The following ARSJ variants were observed in gnomAD, a reference collection of about 807,000 sequenced individuals.
ARSJ encodes the protein arylsulfatase J.
A neutral mutation model predicts 35.9 loss-of-function variants in ARSJ; 26 were observed. That is an observed-to-expected ratio of 0.72 (90% CI 0.53 to 1.00). The LOEUF is 1.00. Among genes scored for constraint, ARSJ ranks in the 50% least tolerant of loss-of-function variants. ARSJ has a pLI of 0.00. For synonymous variants in ARSJ, 294 were observed against 267.6 expected (o/e 1.10, Z -0.96); for missense variants, 667 against 723.6 (o/e 0.92, Z 0.90).
chr4:113,920,687 G>T (rs967723991), intron 1 of ARSJ, among the ~76,000 whole-genome samples: 1 of 152,154 alleles, frequency 6.6e-6, no homozygotes, highest in African/African-American at 2.4e-5. Flanking sequence ...TGACAGAAGT[G>T]TGGCACGTAG....
At chr4:113,950,779 G>A (rs573223396) in intron 1 of ARSJ, among the ~76,000 whole-genome samples, 11 of 152,076 alleles carry the variant, frequency 7.2e-5, no homozygotes, top group East Asian at 1.9e-4. Flanking sequence ...CATTAAGAGC[G>A]TATGCTTTCC....
At chr4:113,917,081 T>C (rs1723355537) in intron 1 of ARSJ, among the ~76,000 whole-genome samples, 1 of 152,154 alleles carries the variant, frequency 6.6e-6, no homozygotes, top group Non-Finnish European at 1.5e-5. Flanking sequence ...ATACAAATAC[T>C]GTATCTATTA....
intron 1 of ARSJ, among the ~76,000 whole-genome samples, chr4:113,914,899 CAAAACAGTTGAGTTTCCT>C (rs1723197668): frequency 6.6e-6 from 1 of 152,112 alleles, no homozygotes; most frequent in South Asian, 2.1e-4. Flanking sequence ...GCTTATTCTT[CAAAACAGTTGAGTTTCCT>C]ACACTGTCCG....
intron 1 of ARSJ, among the ~76,000 whole-genome samples, chr4:113,960,870 G>A (rs1726501923): frequency 6.6e-6 from 1 of 152,090 alleles, no homozygotes; most frequent in South Asian, 2.1e-4. Flanking sequence ...GGAAGGGGTT[G>A]AGGCTGGAAC....
intron 1 of ARSJ, among the ~76,000 whole-genome samples, chr4:113,927,234 C>T (rs1368801332): frequency 1.3e-5 from 2 of 152,142 alleles, no homozygotes; most frequent in African/African-American, 4.8e-5. Flanking sequence ...GAAGGAATAT[C>T]GTAACAGACC....
intron 1 of ARSJ, among the ~76,000 whole-genome samples, chr4:113,940,694 G>C (rs763371239): frequency 1.1e-4 from 17 of 151,676 alleles, no homozygotes; most frequent in Non-Finnish European, 2.2e-4. Context: ...GAAGGAGGTG[G>C]AACTACCAAA....
rs1408494591 is a variant in ARSJ, at chr4:113,963,762, A to G, written c.398+14675T>C. ...TAAATCAAGGGCCATTACTTAATGA[A>G]TGATTAGCTGGTAGTGGAGTGTCAC... On this transcript the variant is annotated intron_variant, in intron 1 of 1. Transcript: ENST00000315366. 2.0e-5 allele frequency among the ~76,000 whole-genome samples: 3 copies of G among 152,124 alleles called. No individual in the cohort carries two copies. The East Asian group carries it at 5.8e-4, about 29-fold the overall frequency.
chr4:113,932,645 A>G (rs1724529411), intron 1 of ARSJ, among the ~76,000 whole-genome samples: 3 of 152,102 alleles, frequency 2.0e-5, no homozygotes, highest in African/African-American at 7.2e-5. Flanking sequence ...AAACATTTAA[A>G]TTTTCTCCAA....
At chr4:113,943,700 G>T (rs1725302172) in intron 1 of ARSJ, among the ~76,000 whole-genome samples, 1 of 152,036 alleles carries the variant, frequency 6.6e-6, no homozygotes, top group Admixed American at 6.6e-5. Context: ...TGAGGGTGTA[G>T]CTTTTGAGCT....
At chr4:113,903,903 T>G (rs1002584984) in intron 1 of ARSJ, among the ~76,000 whole-genome samples, 1 of 152,226 alleles carries the variant, frequency 6.6e-6, no homozygotes, top group Non-Finnish European at 1.5e-5. Context: ...CCAGTACTTT[T>G]GAAAGTAAAA....
intron 1 of ARSJ, among the ~76,000 whole-genome samples, chr4:113,960,176 A>G: frequency 6.6e-6 from 1 of 152,114 alleles, no homozygotes; most frequent in East Asian, 1.9e-4. Context: ...GGTATTGACA[A>G]TGAGTTGTAG....
intron 1 of ARSJ, among the ~76,000 whole-genome samples, chr4:113,967,194 G>A (rs1205447544): frequency 6.6e-6 from 1 of 151,980 alleles, no homozygotes; most frequent in Non-Finnish European, 1.5e-5. Context: ...ACTCTTTGTT[G>A]GCTGCCACAT....
chr4:113,975,843 A>T (rs1340203819), intron 1 of ARSJ, among the ~76,000 whole-genome samples: 1 of 152,184 alleles, frequency 6.6e-6, no homozygotes, highest in Non-Finnish European at 1.5e-5. Context: ...TCATTAAATC[A>T]CTATTGATTT....
intron 1 of ARSJ, among the ~76,000 whole-genome samples, chr4:113,927,107 A>G (rs1193861796): frequency 1.3e-5 from 2 of 152,166 alleles, no homozygotes; most frequent in African/African-American, 4.8e-5. Flanking sequence ...AAAGGGTCAG[A>G]GTAACACACC....
intron 1 of ARSJ, among the ~76,000 whole-genome samples, chr4:113,920,012 T>C (rs1723566482): frequency 6.6e-6 from 1 of 152,120 alleles, no homozygotes; most frequent in African/African-American, 2.4e-5. Context: ...TTCCTTCTTG[T>C]GTATTGTATA....
intron 1 of ARSJ, among the ~76,000 whole-genome samples, chr4:113,919,424 A>G (rs997025124): frequency 6.6e-6 from 1 of 152,198 alleles, no homozygotes; most frequent in Non-Finnish European, 1.5e-5. Flanking sequence ...CTTACCTCAC[A>G]GGGTTGTTTT....
chr4:113,903,512 G>A lies in ARSJ; in HGVS notation c.562C>T (p.Pro188Ser), dbSNP rs2099667792. ...AAGGTATCAAATCCTCTTCTGGTGG[G>A]CATGCATTCTTTTCTGTAAAAACCC... is the stretch of plus-strand genomic sequence containing the variant. ...HLGFYRKECMPTRRGFDTFFG... is the reference protein window; with the variant it reads ...HLGFYRKECMSTRRGFDTFFG... The change falls in exon 2 of 2, where the codon CCC becomes TCC. Residue 188 changes from proline to serine, a missense_variant. Pro to Ser is a moderately conservative substitution (Grantham distance 74). Transcript: ENST00000315366. 6.2e-7 allele frequency: 1 copy of A among 1,614,134 alleles called. No individual in the cohort carries two copies. Among genetic ancestry groups the A allele is most frequent in the Non-Finnish European group, 8.5e-7 (1 of 1,180,022 alleles).
intron 1 of ARSJ, among the ~76,000 whole-genome samples, chr4:113,971,134 C>T (rs1727220936): frequency 6.6e-6 from 1 of 151,734 alleles, no homozygotes; most frequent in African/African-American, 2.4e-5. Flanking sequence ...GAAACAAACT[C>T]TAATTATATC....
intron 1 of ARSJ, among the ~76,000 whole-genome samples, chr4:113,911,392 G>T (rs984477290): frequency 6.6e-6 from 1 of 152,156 alleles, no homozygotes; most frequent in African/African-American, 2.4e-5. Context: ...GAAGCTTTGC[G>T]TTGGAAAAAT....
Sources: gnomAD v4.1 joint callset for allele counts (sites outside exome capture counted in the v4.1 genomes callset) on GRCh38, gnomAD v4.1.1 for gene constraint, MANE v1.5 for transcripts, NCBI Gene and HGNC (gene_info 2026-07-23, HGNC 2026-07-21) for gene names.